Variants in GABRB1 observed in about 807,000 individuals in gnomAD.
The protein encoded by GABRB1 is gamma-aminobutyric acid receptor subunit beta-1.
Under a neutral mutation model 51.6 loss-of-function variants are expected in GABRB1, and 17 were observed. That is an observed-to-expected ratio of 0.33 (90% confidence interval 0.23 to 0.49). The LOEUF (loss-of-function observed/expected upper bound fraction) is 0.49. Ranked by LOEUF, GABRB1 falls within the 20% of genes least tolerant of loss-of-function variation. The probability of loss-of-function intolerance (pLI) is 0.99; values close to 1 mark genes in which losing one functional copy is unlikely to be tolerated. For missense variants in GABRB1, 410 were observed against 600.6 expected (o/e 0.68, Z 3.32); for synonymous variants, 247 against 218.9 (o/e 1.13, Z -1.14).
chr4:47,096,637 C>T (rs1388060308), intron 3 of GABRB1, among the ~76,000 whole-genome samples: 1 of 152,068 alleles, frequency 6.6e-6, no homozygotes, highest in Non-Finnish European at 1.5e-5. Flanking sequence ...TAGGCACAGT[C>T]TAATCAAGTG....
chr4:47,169,722 G>A (rs546880122), intron 4 of GABRB1, among the ~76,000 whole-genome samples: 4 of 152,102 alleles, frequency 2.6e-5, no homozygotes, highest in Admixed American at 2.6e-4. Flanking sequence ...GGCTGGTCTC[G>A]AACTCTTAAT....
intron 4 of GABRB1, among the ~76,000 whole-genome samples, chr4:47,314,190 T>C (rs1724803453): frequency 6.6e-6 from 1 of 152,024 alleles, no homozygotes; most frequent in Admixed American, 6.6e-5. Flanking sequence ...TGACATATAG[T>C]TTCCCTAGGT....
At chr4:47,107,091 T>C (rs1480639958) in intron 3 of GABRB1, among the ~76,000 whole-genome samples, 2 of 152,094 alleles carry the variant, frequency 1.3e-5, no homozygotes, top group Admixed American at 6.6e-5. Context: ...TAAAACACTT[T>C]AACAGCTAAA....
rs187065123 is a variant in GABRB1 at position 47,110,601 on chromosome 4, G to A, written c.241-50648G>A. On this transcript the variant is annotated intron_variant, in intron 3 of 8. Transcript: ENST00000295454. ...TACTTTGTTCCAAAAGGCATCTAAG[G>A]GAATCTGTTTTGTAAATGAGAAACA... Among the ~76,000 whole-genome samples the A allele has an allele frequency of 2.3e-3, 351 of 152,178 alleles. 1 individual carries two copies. Among genetic ancestry groups the A allele is most frequent in the African/African-American group, 8.2e-3 (341 of 41,534 alleles).
chr4:47,206,848 T>C (rs1432047060), intron 4 of GABRB1, among the ~76,000 whole-genome samples: 2 of 151,582 alleles, frequency 1.3e-5, no homozygotes, highest in South Asian at 2.1e-4. Context: ...TATTGAATTA[T>C]AATATATATG....
At chr4:47,285,695 A>G (rs889999460) in intron 4 of GABRB1, among the ~76,000 whole-genome samples, 1 of 152,192 alleles carries the variant, frequency 6.6e-6, no homozygotes, top group Non-Finnish European at 1.5e-5. Flanking sequence ...GGCCAGTTTG[A>G]TAGATCATTT....
At chr4:47,404,258 CAG>C (rs1159737000) in intron 7 of GABRB1, among the ~76,000 whole-genome samples, 3 of 152,080 alleles carry the variant, frequency 2.0e-5, no homozygotes, top group African/African-American at 7.2e-5. Flanking sequence ...GTGGTCAAGA[CAG>C]AATAAAAATG....
chr4:47,281,664 A>C (rs193076252), intron 4 of GABRB1, among the ~76,000 whole-genome samples: 1 of 152,204 alleles, frequency 6.6e-6, no homozygotes, highest in African/African-American at 2.4e-5. Context: ...TCAATGTATG[A>C]ATGGATAAAC....
chr4:47,182,003 G>A (rs755927146), intron 4 of GABRB1, among the ~76,000 whole-genome samples: 27 of 152,118 alleles, frequency 1.8e-4, no homozygotes, highest in Non-Finnish European at 2.8e-4. Context: ...GCAGTATGGT[G>A]TAGTGTTGTG....
chr4:47,333,617 A>G (rs1040672715), intron 5 of GABRB1, among the ~76,000 whole-genome samples: 2 of 152,156 alleles, frequency 1.3e-5, no homozygotes, highest in Non-Finnish European at 2.9e-5. Context: ...CAGAAGGCTG[A>G]GGCAGGAGAA....
chr4:47,310,383 C>T (rs554034354), intron 4 of GABRB1, among the ~76,000 whole-genome samples: 1 of 152,086 alleles, frequency 6.6e-6, no homozygotes, highest in Admixed American at 6.5e-5. Context: ...TACAGAATTG[C>T]CTGATTCCTG....
chr4:47,014,189 T>C (rs556395821), intron 1 of GABRB1, among the ~76,000 whole-genome samples: 3 of 152,338 alleles, frequency 2.0e-5, no homozygotes, highest in Admixed American at 6.5e-5. Flanking sequence ...TGTATCCATA[T>C]ATTATTGGAA....
At chr4:47,151,888 C>A (rs1717476437) in intron 3 of GABRB1, among the ~76,000 whole-genome samples, 1 of 152,076 alleles carries the variant, frequency 6.6e-6, no homozygotes, top group East Asian at 1.9e-4. Context: ...AACTTTAGTA[C>A]AAGTAGCCTT....
rs184713186 is a variant in GABRB1, at chr4:47,406,577, C to G, written c.836-105C>G. The stretch of plus-strand genomic sequence containing the variant: ...GGTTTATCATGCTACTGTGATCACT[C>G]AGGGGCACCAATAAGGAAGTGGCAA... On this transcript the variant is annotated intron_variant, in intron 7 of 8. Transcript: ENST00000295454. 5.9e-4 allele frequency: 822 copies of G among 1,392,532 alleles called. 9 individuals are homozygous for G. In the Admixed American group the frequency reaches 0.014, roughly 24 times the overall value. 86.3% of individuals were successfully genotyped at this position (1,392,532 alleles called of 1,614,324 possible). A position where few individuals can be genotyped will look rare whatever the true frequency, so the allele number is the denominator to read the frequency against.
chr4:47,075,189 A>AC (rs1553913854), intron 3 of GABRB1, among the ~76,000 whole-genome samples: 5 of 148,936 alleles, frequency 3.4e-5, no homozygotes, highest in Non-Finnish European at 6.0e-5. Context: ...GCATTGTGTG[A>AC]TTTTTTTTTT....
In GABRB1 at chr4:47,018,168, TTTCTTCTTCTC is replaced by T. The variant is rs576662315; in HGVS notation, c.-19-13735_-19-13725del. Among the ~76,000 whole-genome samples, 12 of 151,530 alleles carry T rather than the reference TTTCTTCTTCTC, an allele frequency of 7.9e-5. No homozygotes were observed. In the South Asian group the frequency reaches 2.3e-3, roughly 29 times the overall value. On this transcript the variant is annotated intron_variant, in intron 1 of 3. Coordinates refer to the GABRB1 transcript ENST00000513567. ...TTCCTTTTTCCTCCTCCTCCTCCTT[TTTCTTCTTCTC>T]TTCTTCTTCTTTCTTTTTTTTTTGG...
intron 5 of GABRB1, among the ~76,000 whole-genome samples, chr4:47,348,141 G>T (rs1381634301): frequency 1.3e-5 from 2 of 152,152 alleles, no homozygotes; most frequent in African/African-American, 2.4e-5. Context: ...ACACGGTATT[G>T]TAGGTGGAGG....
At chr4:47,254,718 T>G (rs998861638) in intron 4 of GABRB1, among the ~76,000 whole-genome samples, 1 of 152,178 alleles carries the variant, frequency 6.6e-6, no homozygotes, top group Non-Finnish European at 1.5e-5. Context: ...GTATTCTTTG[T>G]GCAATTACTT....
intron 3 of GABRB1, among the ~76,000 whole-genome samples, chr4:47,045,720 G>A (rs1160986278): frequency 6.6e-6 from 1 of 151,952 alleles, no homozygotes; most frequent in East Asian, 1.9e-4. Context: ...CATTTATGAG[G>A]GTTTTGCCCC....
Sources: allele counts gnomAD v4.1 joint callset (sites outside exome capture counted in the v4.1 genomes callset), GRCh38; gene constraint gnomAD v4.1.1; transcripts MANE v1.5; gene names NCBI Gene and HGNC (gene_info 2026-07-23, HGNC 2026-07-21).